Variants in KIF1A observed in about 807,000 individuals in gnomAD.
KIF1A encodes the protein kinesin family member 1A.
In KIF1A, 46 loss-of-function variants were observed where a neutral mutation model predicts 227.3. The observed-to-expected ratio is 0.20, with a 90% CI of 0.16 to 0.26. KIF1A has a LOEUF of 0.26. Among genes scored for constraint, KIF1A ranks in the 10% least tolerant of loss-of-function variants. The pLI, the probability that KIF1A is intolerant of heterozygous loss-of-function variation, is 1.00. For missense variants in KIF1A, 1,683 were observed against 2,485.9 expected, an observed-to-expected ratio of 0.68 and a Z score of 6.87; for synonymous variants, 1,022 against 1,012.8, an observed-to-expected ratio of 1.01 and a Z score of -0.17.
chr2:240,762,843 C>T (rs776581803), intron 22 of KIF1A, 31 bp from the exon 23 acceptor site: 22 of 1,549,996 alleles, frequency 1.4e-5, no homozygotes, highest in Admixed American at 1.1e-4. Context: ...GACTCCACTA[C>T]GGCCCTACCT....
chr2:240,720,072 C>A (rs772628882), intron 45 of KIF1A, 146 bp from the exon 46 acceptor site: 21 of 675,814 alleles, frequency 3.1e-5, no homozygotes, highest in Non-Finnish European at 4.2e-5. Flanking sequence ...ACAGTGGGAG[C>A]TCCCGGGGCC....
rs2049397751 is a variant in KIF1A, at chr2:240,752,925, G to T, written c.2859-2378C>A. On this transcript the variant is annotated intron_variant, in intron 27 of 48. Transcript: ENST00000498729. The surrounding 1 kb of genome is among the most constrained non-coding windows in gnomAD (Gnocchi z 6.4). ...TTGGCGCAGCTCACAGGAAGGAGAG[G>T]CTAGAGCTGTCCAGGGCCACCCAGA... Among the ~76,000 whole-genome samples the T allele has an allele frequency of 6.6e-6, 1 of 152,140 alleles. No individual in the cohort carries two copies. Among genetic ancestry groups the T allele is most frequent in the African/African-American group, 2.4e-5 (1 of 41,432 alleles).
At chr2:240,795,301 G>C (rs1046066428) in intron 2 of KIF1A, among the ~76,000 whole-genome samples, 15 of 152,234 alleles carry the variant, frequency 9.9e-5, no homozygotes, top group African/African-American at 3.4e-4. Context: ...ACGGGATCCA[G>C]GCATTTGAAG....
intron 24 of KIF1A, 61 bp from the exon 25 acceptor site, chr2:240,760,904 A>G: frequency 6.7e-7 from 1 of 1,490,338 alleles, no homozygotes; most frequent in African/African-American, 1.4e-5. Flanking sequence ...CAGGTCCCCA[A>G]AAAGGCTTCC....
chr2:240,812,963 ACCTTCACCTCGGGGATCCG>A (rs1485983112), intron 1 of KIF1A, among the ~76,000 whole-genome samples: 15 of 60,034 alleles, frequency 2.5e-4, no homozygotes, highest in African/African-American at 3.8e-4. Context: ...TCAAGGATCC[ACCTTCACCTCGGGGATCCG>A]CCTTCACCTC....
chr2:240,760,731 A>G lies in KIF1A; in HGVS notation c.2378T>C (p.Ile793Thr), dbSNP rs764883404. The G allele has an allele frequency of 1.3e-6, 2 of 1,591,618 alleles. No homozygotes were observed. The highest frequency in any genetic ancestry group is 1.7e-6 in the Non-Finnish European group (2 of 1,168,690). The stretch of plus-strand genomic sequence containing the variant: ...CTGGTCCTGGACCTCCACGGCCACA[A>G]TGGTGCGGGGGAAGGGCCGCGTCTC... ...DRETRPFPRT[I>T]VAVEVQDQKN... The change falls in exon 25 of 49, where the codon ATT (isoleucine) becomes ACT (threonine). Residue 793 changes from isoleucine to threonine, a missense_variant. Ile to Thr is a moderately conservative substitution (Grantham distance 89, BLOSUM62 -1). This residue lies in a region of KIF1A where 759 missense variants were observed against 1,020.2 expected (regional missense o/e 0.74). Transcript: ENST00000498729.
chr2:240,797,000 C>T (rs1255717299), intron 2 of KIF1A, among the ~76,000 whole-genome samples: 1 of 152,304 alleles, frequency 6.6e-6, no homozygotes, highest in Middle Eastern at 3.4e-3. Context: ...TCCTGAAGAC[C>T]AGGTGGCTGT....
rs559594463 is a variant in KIF1A, at chr2:240,766,468, T to C, written c.1684+447A>G. Among the ~76,000 whole-genome samples the C allele has an allele frequency of 1.3e-5, 2 of 152,096 alleles. No homozygotes were observed. The highest frequency in any genetic ancestry group is 1.3e-4 in the Admixed American group (2 of 15,292). On this transcript the variant is annotated intron_variant, in intron 19 of 48. Coordinates refer to ENST00000498729, the MANE Select transcript of KIF1A (RefSeq NM_001244008.2). This position sits in a 1 kb window ranked among gnomAD's most constrained non-coding sequence, Gnocchi z 5.0. ...CCAACAGGAAACCAAGGTCTGGAAA[T>C]AGTTTTCCACCCTAGATCTGGGCTC... is the stretch of plus-strand genomic sequence containing the variant.
chr2:240,734,917 TGGAA>T (rs1455789899), intron 38 of KIF1A, among the ~76,000 whole-genome samples: 2 of 151,988 alleles, frequency 1.3e-5, no homozygotes, highest in African/African-American at 2.4e-5. Context: ...GAAAAGCGCA[TGGAA>T]GGCCAAGGCC....
chr2:240,760,983 A>AG, intron 24 of KIF1A, 140 bp from the exon 25 acceptor site: 2 of 943,696 alleles, frequency 2.1e-6, no homozygotes, highest in South Asian at 3.6e-5. Context: ...GACAGCCGCC[A>AG]GGGGGGACCA....
rs1425302450 is a variant in KIF1A at position 240,725,504 on chromosome 2, C to T, written c.4123-100G>A. The T allele has an allele frequency of 7.3e-7, 1 of 1,369,198 alleles. No individual in the cohort carries two copies. Among genetic ancestry groups the T allele is most frequent in the African/African-American group, 1.4e-5 (1 of 69,598 alleles). 84.8% of individuals were successfully genotyped at this position (1,369,198 alleles called of 1,614,324 possible). On this transcript the variant is annotated intron_variant, in intron 39 of 48. Transcript: ENST00000498729. This position sits in a 1 kb window ranked among gnomAD's most constrained non-coding sequence, Gnocchi z 5.8. ...GGGCACAATGCCCAGCACCGACAGGCAGCCCCAGGGCCTTCCCAGGGCCTC... is the reference window on the plus strand; with the variant it reads ...GGGCACAATGCCCAGCACCGACAGGTAGCCCCAGGGCCTTCCCAGGGCCTC...
Position 240,718,040 on chromosome 2 carries a change from G to A in KIF1A, c.5333+10C>T, listed in dbSNP as rs753256295. 10 of 1,578,438 alleles carry A rather than the reference G, an allele frequency of 6.3e-6. No individual in the cohort carries two copies. The highest frequency in any genetic ancestry group is 1.3e-5 in the African/African-American group (1 of 74,242). ...CCATGGCAGCAACCTCGCCCTGCAG[G>A]CGGCCCTACCGTATGGTCCCGGCCA... On this transcript the variant is annotated intron_variant, in intron 48 of 48. Coordinates refer to ENST00000498729, the MANE Select transcript of KIF1A (RefSeq NM_001244008.2).
chr2:240,731,079 G>A (rs1249695871), intron 38 of KIF1A, among the ~76,000 whole-genome samples: 2 of 152,194 alleles, frequency 1.3e-5, no homozygotes, highest in Non-Finnish European at 2.9e-5. Context: ...TTTAAAGCTC[G>A]AAACCTGGCC....
chr2:240,763,988 C>T (rs975378128), intron 20 of KIF1A, among the ~76,000 whole-genome samples: 2 of 152,196 alleles, frequency 1.3e-5, no homozygotes, highest in Non-Finnish European at 2.9e-5. Flanking sequence ...GGACCCCCCT[C>T]AGGGCTGCCC....
rs923199601 is a variant in KIF1A at position 240,793,807 on chromosome 2, C to A, written c.106+3840G>T. On this transcript the variant is annotated intron_variant, in intron 2 of 48. Transcript: ENST00000498729. The surrounding 1 kb of genome is among the most constrained non-coding windows in gnomAD (Gnocchi z 4.8). ...ACAAGGCACGCTTTAGAGAGTGGGG[C>A]CTCTCCTCATGTTTTGAGACTCCAG... Among the ~76,000 whole-genome samples the A allele has an allele frequency of 4.6e-5, 7 of 152,160 alleles. No individual in the cohort carries two copies. Among genetic ancestry groups the A allele is most frequent in the African/African-American group, 1.7e-4 (7 of 41,424 alleles).
At chr2:240,776,946 C>T (rs1281333188) in intron 10 of KIF1A, among the ~76,000 whole-genome samples, 1 of 152,246 alleles carries the variant, frequency 6.6e-6, no homozygotes, top group East Asian at 1.9e-4. Context: ...TTCAGGGTGT[C>T]CATCTCGCAG....
In KIF1A at chr2:240,789,438, T is replaced by C. The variant is rs986948377; in HGVS notation, c.107-126A>G. On this transcript the variant is annotated intron_variant, in intron 2 of 48. Coordinates refer to ENST00000498729, the MANE Select transcript of KIF1A (RefSeq NM_001244008.2). This position sits in a 1 kb window ranked among gnomAD's most constrained non-coding sequence, Gnocchi z 4.8. The stretch of plus-strand genomic sequence containing the variant: ...GCCCCAGACAAGCCAGGCCCCCAAA[T>C]TGGAGGGGACCTAGGACCCCACTCC... The C allele has an allele frequency of 2.7e-6, 2 of 738,928 alleles. No individual in the cohort carries two copies. The highest frequency in any genetic ancestry group is 1.7e-5 in the African/African-American group (1 of 57,374). 45.8% of individuals were successfully genotyped at this position (738,928 alleles called of 1,614,324 possible).
intron 7 of KIF1A, 89 bp from the exon 8 acceptor site, chr2:240,783,905 G>A: frequency 9.9e-7 from 1 of 1,011,778 alleles, no homozygotes; most frequent in Non-Finnish European, 1.5e-6. Flanking sequence ...CACAGCTGTT[G>A]AAGGAGCCCT....
At position 240,748,020 on chromosome 2, in the gene KIF1A, TCTC is replaced by T. The variant is rs202148516; in HGVS notation, c.2978-702_2978-700del. Reference sequence around the variant, plus strand: ...GGCCGGTGCCTTTTCTAAGTTCCCTTCTCCACCACCACAGCCATTAGACAGGGA... The same window carrying T: ...GGCCGGTGCCTTTTCTAAGTTCCCTTCACCACCACAGCCATTAGACAGGGA... On this transcript the variant is annotated intron_variant, in intron 28 of 48. Coordinates refer to ENST00000498729, the MANE Select transcript of KIF1A (RefSeq NM_001244008.2). Among the ~76,000 whole-genome samples, 84 of 152,156 alleles carry T rather than the reference TCTC, an allele frequency of 5.5e-4. 2 individuals are homozygous for T. In the East Asian group the frequency reaches 0.015, roughly 27 times the overall value.
Sources: allele counts gnomAD v4.1 joint callset (sites outside exome capture counted in the v4.1 genomes callset), GRCh38; gene constraint gnomAD v4.1.1; regional missense constraint gnomAD v4.1.1; non-coding constraint Gnocchi (gnomAD v3.1); transcripts MANE v1.5; gene names NCBI Gene and HGNC (gene_info 2026-07-23, HGNC 2026-07-21).